The following CA10 variants were observed in gnomAD, a reference collection of about 807,000 sequenced individuals.
CA10 encodes carbonic anhydrase 10 (inactive).
CA10 carries 14 observed loss-of-function variants against 44.2 expected under a neutral mutation model. The ratio of observed to expected loss-of-function variants is 0.32; its 90% confidence interval spans 0.21 to 0.50. The LOEUF (loss-of-function observed/expected upper bound fraction) is 0.50, where lower values mean the gene tolerates loss of function less well. CA10 is among the 20% of genes least tolerant of loss of function. CA10 has a pLI of 0.99. For synonymous variants in CA10, 159 were observed against 141.6 expected (o/e 1.12, Z -0.87); for missense variants, 350 against 409.7 (o/e 0.85, Z 1.26).
chr17:51,815,140 C>G lies in CA10; in HGVS notation c.280-67322G>C, dbSNP rs567876012. 5.7e-4 allele frequency among the ~76,000 whole-genome samples: 86 copies of G among 152,098 alleles called. 1 individual carries two copies. In the South Asian group the frequency reaches 0.013, roughly 24 times the overall value. On this transcript the variant is annotated intron_variant, in intron 3 of 8. Transcript: ENST00000451037. The stretch of plus-strand genomic sequence containing the variant: ...CCTGCCTGGGGACGTTTGAAAGTAT[C>G]TGGGGACATTTTTGGCTGTCACCCC...
At chr17:51,909,020 A>G (rs537569148) in intron 3 of CA10, among the ~76,000 whole-genome samples, 2 of 152,280 alleles carry the variant, frequency 1.3e-5, no homozygotes, top group East Asian at 3.9e-4. Context: ...TGCAAAAGCC[A>G]GAGATAGAGC....
Position 52,052,320 on chromosome 17 carries a change from A to C in CA10, c.136+19999T>G, listed in dbSNP as rs1285446316. 2.0e-5 allele frequency among the ~76,000 whole-genome samples: 3 copies of C among 146,782 alleles called. No homozygotes were observed. In the South Asian group the frequency reaches 6.6e-4, roughly 32 times the overall value. ...TTTTTAAAAAAAAAAAAAAAAAGAC[A>C]GGCATTCACCAACCCTGATGAGTAG... On this transcript the variant is annotated intron_variant, in intron 2 of 8. Transcript: ENST00000451037.
chr17:51,632,501 A>G (rs1244356014), intron 8 of CA10, among the ~76,000 whole-genome samples: 3 of 152,226 alleles, frequency 2.0e-5, no homozygotes, highest in Non-Finnish European at 4.4e-5. Flanking sequence ...GGCTGCTTCT[A>G]AAAGCTGTCT....
At chr17:51,992,309 T>C (rs1395955925) in intron 2 of CA10, among the ~76,000 whole-genome samples, 2 of 152,158 alleles carry the variant, frequency 1.3e-5, no homozygotes, top group Admixed American at 1.3e-4. Context: ...GTAGTCTCTG[T>C]CATCCTCATC....
intron 4 of CA10, among the ~76,000 whole-genome samples, chr17:51,672,813 T>C (rs1302434696): frequency 6.6e-6 from 1 of 152,162 alleles, no homozygotes; most frequent in Non-Finnish European, 1.5e-5. Context: ...AAATGAATTC[T>C]ACCAGCCCAG....
chr17:51,731,254 G>A (rs1214684743), intron 4 of CA10, among the ~76,000 whole-genome samples: 4 of 152,200 alleles, frequency 2.6e-5, no homozygotes, highest in Non-Finnish European at 5.9e-5. Flanking sequence ...GCATGTGCCT[G>A]TAGTTTCAGC....
At chr17:52,008,398 C>T (rs887672627) in intron 2 of CA10, among the ~76,000 whole-genome samples, 13 of 151,672 alleles carry the variant, frequency 8.6e-5, no homozygotes, top group African/African-American at 3.1e-4. Context: ...ACGTATTAGA[C>T]AACAATCACT....
At chr17:52,129,385 G>T (rs149073910) in intron 1 of CA10, among the ~76,000 whole-genome samples, 1 of 152,240 alleles carries the variant, frequency 6.6e-6, no homozygotes, top group African/African-American at 2.4e-5. Flanking sequence ...AGTGCAGAAT[G>T]CTTTACATGA....
intron 4 of CA10, among the ~76,000 whole-genome samples, chr17:51,694,003 G>A (rs547431116): frequency 3.3e-5 from 5 of 152,148 alleles, no homozygotes; most frequent in South Asian, 2.1e-4. Flanking sequence ...TTGAGAGTTC[G>A]AGACCAGCCT....
intron 3 of CA10, among the ~76,000 whole-genome samples, chr17:51,845,191 T>C (rs1368486395): frequency 1.3e-5 from 2 of 152,234 alleles, no homozygotes; most frequent in Non-Finnish European, 2.9e-5. Context: ...AATACTTTTT[T>C]ATTGTTTTAA....
At chr17:51,987,393 C>T (rs575935275) in intron 2 of CA10, among the ~76,000 whole-genome samples, 2 of 151,598 alleles carry the variant, frequency 1.3e-5, no homozygotes, top group Non-Finnish European at 2.9e-5. Flanking sequence ...GGGAAGGGGG[C>T]GAGGGATAAA....
intron 3 of CA10, among the ~76,000 whole-genome samples, chr17:51,816,927 A>C (rs1439721962): frequency 6.6e-6 from 1 of 152,218 alleles, no homozygotes; most frequent in Non-Finnish European, 1.5e-5. Context: ...CCCTTCCACC[A>C]AAGTCCTGTC....
chr17:51,751,218 C>T (rs1290183471), intron 3 of CA10, among the ~76,000 whole-genome samples: 1 of 152,004 alleles, frequency 6.6e-6, no homozygotes, highest in Non-Finnish European at 1.5e-5. Flanking sequence ...CTAAAGTAGC[C>T]AAAATCATAG....
chr17:51,893,365 G>A (rs1346796888), intron 3 of CA10, among the ~76,000 whole-genome samples: 1 of 152,108 alleles, frequency 6.6e-6, no homozygotes, highest in Non-Finnish European at 1.5e-5. Flanking sequence ...GATACGGGAA[G>A]GGAAGCATTT....
chr17:51,830,261 G>A (rs1367711280), intron 3 of CA10, among the ~76,000 whole-genome samples: 5 of 150,446 alleles, frequency 3.3e-5, no homozygotes, highest in Admixed American at 1.3e-4. Flanking sequence ...TTTACACATA[G>A]GTGACTGAGC....
chr17:51,652,657 C>T (rs111814646), intron 5 of CA10, among the ~76,000 whole-genome samples: 10 of 152,276 alleles, frequency 6.6e-5, no homozygotes, highest in East Asian at 1.9e-4. Context: ...GCCTATGGCA[C>T]GGGGTAATTC....
Position 52,117,242 on chromosome 17 carries a change from A to G in CA10, c.61+40484T>C, listed in dbSNP as rs1347569913. Among the ~76,000 whole-genome samples, 5 of 152,146 alleles carry G rather than the reference A, an allele frequency of 3.3e-5. No individual in the cohort carries two copies. In the East Asian group the frequency reaches 9.7e-4, roughly 29 times the overall value. ...CTAAGATAATTTCTGATGGCCTGGG[A>G]CTCCTTGGGAAAGACAGAAAAGACA... is the stretch of plus-strand genomic sequence containing the variant. On this transcript the variant is annotated intron_variant, in intron 1 of 8. Transcript: ENST00000451037.
intron 2 of CA10, among the ~76,000 whole-genome samples, chr17:51,997,685 T>G (rs1465388664): frequency 6.6e-6 from 1 of 152,106 alleles, no homozygotes; most frequent in Admixed American, 6.6e-5. Context: ...ATGAAACATG[T>G]TGATTTTTGT....
intron 3 of CA10, among the ~76,000 whole-genome samples, chr17:51,877,858 T>A (rs1446503521): frequency 6.6e-6 from 1 of 152,008 alleles, no homozygotes; most frequent in Non-Finnish European, 1.5e-5. Context: ...AACACAGTGA[T>A]TCTCGGCTGG....
Sources: allele counts gnomAD v4.1 joint callset (sites outside exome capture counted in the v4.1 genomes callset), GRCh38; gene constraint gnomAD v4.1.1; transcripts MANE v1.5; gene names NCBI Gene and HGNC (gene_info 2026-07-23, HGNC 2026-07-21).